Variants in DIP2C observed in about 807,000 individuals in gnomAD.
The protein encoded by DIP2C is disco-interacting protein 2 homolog C.
A neutral mutation model predicts 192.4 loss-of-function variants in DIP2C; 33 were observed. That is an observed-to-expected ratio of 0.17 (90% CI 0.13 to 0.23). The LOEUF (loss-of-function observed/expected upper bound fraction) is 0.23. Ranked by LOEUF, DIP2C falls within the 10% of genes least tolerant of loss-of-function variation. The probability of loss-of-function intolerance (pLI) is 1.00; values close to 1 mark genes in which losing one functional copy is unlikely to be tolerated. For missense variants in DIP2C, 1,537 were observed against 2,110.1 expected (o/e 0.73, Z 5.32); for synonymous variants, 979 against 864.1 (o/e 1.13, Z -2.33).
chr10:681,834 A>G (rs1831145486), intron 1 of DIP2C, among the ~76,000 whole-genome samples: 1 of 152,234 alleles, frequency 6.6e-6, no homozygotes, highest in Admixed American at 6.5e-5. Context: ...TCCTCTTCAG[A>G]GCTCAGGGCC....
chr10:590,691 TTTTAC>T (rs1851348252), intron 1 of DIP2C, among the ~76,000 whole-genome samples: 1 of 152,152 alleles, frequency 6.6e-6, no homozygotes, highest in Admixed American at 6.5e-5. Flanking sequence ...TTAGACGGGT[TTTTAC>T]TTTACATATC....
intron 1 of DIP2C, among the ~76,000 whole-genome samples, chr10:685,652 AAATAAT>A (rs749347353): frequency 6.6e-6 from 1 of 151,990 alleles, no homozygotes; most frequent in Non-Finnish European, 1.5e-5. Context: ...ATCTTTTTTA[AAATAAT>A]AATAATAATA....
At chr10:664,002 A>G (rs1419324582) in intron 1 of DIP2C, 1 of 136,906 alleles carries the variant, frequency 7.3e-6, no homozygotes, top group African/African-American at 3.4e-5. Context: ...CCCAGGAGGA[A>G]AAAACAAAGA....
intron 1 of DIP2C, among the ~76,000 whole-genome samples, chr10:488,314 A>G (rs1190697885): frequency 6.6e-6 from 1 of 152,170 alleles, no homozygotes; most frequent in African/African-American, 2.4e-5. Context: ...CTCCTTGCCG[A>G]GCTGCAAGGC....
chr10:428,345 G>A (rs548226450), intron 4 of DIP2C, among the ~76,000 whole-genome samples: 2 of 152,060 alleles, frequency 1.3e-5, no homozygotes, highest in Non-Finnish European at 2.9e-5. Context: ...TAGTTCTGCT[G>A]ATAACATATT....
chr10:352,752 G>T (rs934820397), intron 24 of DIP2C, among the ~76,000 whole-genome samples: 12 of 152,142 alleles, frequency 7.9e-5, no homozygotes, highest in Non-Finnish European at 1.6e-4. Context: ...CACCTGCAGC[G>T]ACTGAGCAGT....
Position 513,378 on chromosome 10 carries a change from G to A in DIP2C, c.86-26848C>T, listed in dbSNP as rs535614734. ...ATCAGTTTTTAAAATTGTTTGTCGC[G>A]TGTTTCCCTCAAGGACGGAAGTCTC... is the stretch of plus-strand genomic sequence containing the variant. On this transcript the variant is annotated intron_variant, in intron 1 of 36. Coordinates refer to ENST00000280886, the MANE Select transcript of DIP2C (RefSeq NM_014974.3). Among the ~76,000 whole-genome samples, 8 of 152,310 alleles carry A rather than the reference G, an allele frequency of 5.3e-5. 1 individual carries two copies. Among genetic ancestry groups the A allele is most frequent in the African/African-American group, 9.6e-5 (4 of 41,560 alleles).
chr10:601,390 G>A (rs994680426), intron 1 of DIP2C, among the ~76,000 whole-genome samples: 4 of 152,158 alleles, frequency 2.6e-5, no homozygotes, highest in Admixed American at 2.6e-4. Context: ...AGTAAGAAAC[G>A]TGCTAAGTGC....
chr10:522,563 G>A (rs1041009744), intron 1 of DIP2C, among the ~76,000 whole-genome samples: 54 of 152,232 alleles, frequency 3.5e-4, no homozygotes, highest in Non-Finnish European at 6.8e-4. Flanking sequence ...AGCACGCGGC[G>A]GTGTCGCAGT....
chr10:672,136 C>T (rs1276276556), intron 1 of DIP2C, among the ~76,000 whole-genome samples: 3 of 151,704 alleles, frequency 2.0e-5, no homozygotes, highest in Admixed American at 6.6e-5. Flanking sequence ...GTCATAGACA[C>T]ATGGACGGAG....
intron 1 of DIP2C, among the ~76,000 whole-genome samples, chr10:551,611 G>A (rs1276578172): frequency 6.6e-6 from 1 of 152,220 alleles, no homozygotes; most frequent in Non-Finnish European, 1.5e-5. Context: ...CCTGGGCTCA[G>A]AGAAAGGTGA....
At chr10:533,474 A>C (rs1189467726) in intron 1 of DIP2C, among the ~76,000 whole-genome samples, 1 of 152,026 alleles carries the variant, frequency 6.6e-6, no homozygotes, top group African/African-American at 2.4e-5. Context: ...CCTTCCAAAT[A>C]GTTTATTCTT....
At chr10:481,172 G>A (rs1313281305) in intron 2 of DIP2C, among the ~76,000 whole-genome samples, 1 of 152,122 alleles carries the variant, frequency 6.6e-6, no homozygotes, top group Non-Finnish European at 1.5e-5. Flanking sequence ...AGCCTCTGCT[G>A]ACACGAGGAA....
chr10:536,430 C>G lies in DIP2C; in HGVS notation c.86-49900G>C, dbSNP rs113509750. ...GCAAAGACCCTGTTCCCCATAGGGA[C>G]GTCACAGTCCCGGGGGCTAGAGTTG... On this transcript the variant is annotated intron_variant, in intron 1 of 36. Coordinates refer to ENST00000280886, the MANE Select transcript of DIP2C (RefSeq NM_014974.3). Among the ~76,000 whole-genome samples, 30 of 152,220 alleles carry G rather than the reference C, an allele frequency of 2.0e-4. No individual in the cohort carries two copies. The South Asian group carries it at 5.6e-3, about 28-fold the overall frequency.
chr10:642,318 ACTGGGGTGGGGCAGGT>A (rs1265927978), intron 1 of DIP2C, among the ~76,000 whole-genome samples: 2 of 151,646 alleles, frequency 1.3e-5, no homozygotes, highest in African/African-American at 4.8e-5. Flanking sequence ...CTAACGTCAC[ACTGGGGTGGGGCAGGT>A]CTGGGGTGGG....
At chr10:514,605 G>A (rs1162677939) in intron 1 of DIP2C, among the ~76,000 whole-genome samples, 1 of 152,304 alleles carries the variant, frequency 6.6e-6, no homozygotes, top group South Asian at 2.1e-4. Flanking sequence ...GGGCTGCCTT[G>A]AGGCACATGC....
intron 31 of DIP2C, among the ~76,000 whole-genome samples, chr10:312,581 CA>C (rs1407998381): frequency 1.3e-5 from 2 of 152,114 alleles, no homozygotes; most frequent in Non-Finnish European, 2.9e-5. Flanking sequence ...CCACCACTCA[CA>C]ACAGAGCCAA....
chr10:417,337 G>C (rs973262578), intron 6 of DIP2C, among the ~76,000 whole-genome samples: 1 of 152,120 alleles, frequency 6.6e-6, no homozygotes, highest in Non-Finnish European at 1.5e-5. Context: ...ACACCACGCA[G>C]GATTTACCTG....
At chr10:309,130 C>A (rs1161089752) in intron 32 of DIP2C, among the ~76,000 whole-genome samples, 1 of 152,222 alleles carries the variant, frequency 6.6e-6, no homozygotes, top group Non-Finnish European at 1.5e-5. Flanking sequence ...GGAAGATGAT[C>A]TGTTTCAACG....
Sources: gnomAD v4.1 joint callset for allele counts (sites outside exome capture counted in the v4.1 genomes callset) on GRCh38, gnomAD v4.1.1 for gene constraint, MANE v1.5 for transcripts, NCBI Gene and HGNC (gene_info 2026-07-23, HGNC 2026-07-21) for gene names.